Variants in SLC35F1 observed in about 807,000 individuals in gnomAD.
SLC35F1 encodes solute carrier family 35 member F1.
In SLC35F1, 14 loss-of-function variants were observed where a neutral mutation model predicts 48.7. The observed-to-expected ratio is 0.29, with a 90% CI of 0.19 to 0.45. The LOEUF (loss-of-function observed/expected upper bound fraction) is 0.45, where lower values mean the gene tolerates loss of function less well. SLC35F1 is among the 20% of genes least tolerant of loss of function. The pLI, the probability that SLC35F1 is intolerant of heterozygous loss-of-function variation, is 1.00. For missense variants in SLC35F1, 404 were observed against 500.0 expected, an observed-to-expected ratio of 0.81 and a Z score of 1.83; for synonymous variants, 190 against 202.2, an observed-to-expected ratio of 0.94 and a Z score of 0.51.
At chr6:118,310,389 GTTT>G (rs1218476627) in intron 7 of SLC35F1, among the ~76,000 whole-genome samples, 1 of 152,082 alleles carries the variant, frequency 6.6e-6, no homozygotes, top group Admixed American at 6.6e-5. Context: ...TGGTTGATTG[GTTT>G]TTTAAATGAA....
intron 1 of SLC35F1, among the ~76,000 whole-genome samples, chr6:117,942,202 C>T (rs1167536720): frequency 1.3e-5 from 2 of 152,096 alleles, no homozygotes; most frequent in South Asian, 2.1e-4. Context: ...GGCTTGAATT[C>T]GAGTCTCACT....
chr6:118,083,207 T>G (rs947981184), intron 1 of SLC35F1, among the ~76,000 whole-genome samples: 4 of 152,190 alleles, frequency 2.6e-5, no homozygotes, highest in African/African-American at 9.6e-5. Flanking sequence ...GGGAAGGATA[T>G]GTGACTGAAA....
chr6:118,285,167 C>T lies in SLC35F1; in HGVS notation c.848-17C>T, dbSNP rs753455067. On this transcript the variant is annotated splice_polypyrimidine_tract_variant and intron_variant, in intron 6 of 7. Coordinates refer to ENST00000360388, the MANE Select transcript of SLC35F1 (RefSeq NM_001029858.4). ...GGAGGAGGCCCTGACGCTGCCTTCT[C>T]TTTACTCTTCCCCCAGGACTGCTCT... 6.2e-7 allele frequency: 1 copy of T among 1,611,390 alleles called. No homozygotes were observed. The highest frequency in any genetic ancestry group is 8.5e-7 in the Non-Finnish European group (1 of 1,177,934).
intron 1 of SLC35F1, among the ~76,000 whole-genome samples, chr6:118,059,221 A>G (rs1279228987): frequency 6.6e-6 from 1 of 152,180 alleles, no homozygotes; most frequent in East Asian, 1.9e-4. Flanking sequence ...TATTCAGTAC[A>G]CTGAGTTCAT....
intron 1 of SLC35F1, among the ~76,000 whole-genome samples, chr6:118,073,903 T>C (rs1772779738): frequency 6.6e-6 from 1 of 152,206 alleles, no homozygotes; most frequent in South Asian, 2.1e-4. Context: ...GCAAAAATAA[T>C]TTATCGTATC....
intron 1 of SLC35F1, among the ~76,000 whole-genome samples, chr6:117,971,296 G>A (rs561488531): frequency 1.3e-5 from 2 of 152,346 alleles, no homozygotes; most frequent in South Asian, 4.1e-4. Flanking sequence ...GATGCAAGAG[G>A]TGGGTTCCCA....
chr6:118,124,362 T>C (rs1773594192), intron 1 of SLC35F1, among the ~76,000 whole-genome samples: 1 of 152,186 alleles, frequency 6.6e-6, no homozygotes, highest in Admixed American at 6.6e-5. Flanking sequence ...TCTGATTGAC[T>C]TGGTTTAAAA....
At chr6:117,967,304 T>G (rs1776583316) in intron 1 of SLC35F1, among the ~76,000 whole-genome samples, 1 of 152,116 alleles carries the variant, frequency 6.6e-6, no homozygotes, top group East Asian at 1.9e-4. Flanking sequence ...AAATACATTT[T>G]GAAACCATAG....
rs115336929 is a variant in SLC35F1 at position 118,089,995 on chromosome 6, T to C, written c.174-64450T>C. On this transcript the variant is annotated intron_variant, in intron 1 of 7. Coordinates refer to ENST00000360388, the MANE Select transcript of SLC35F1 (RefSeq NM_001029858.4). ...AAACAGATTGATCAGTTGGAATGCC[T>C]TAAAATCTGTCTAGATTCTGCATGC... 4.0e-3 allele frequency among the ~76,000 whole-genome samples: 613 copies of C among 152,350 alleles called. 3 individuals are homozygous for C. Among genetic ancestry groups the C allele is most frequent in the African/African-American group, 0.014 (594 of 41,592 alleles).
intron 1 of SLC35F1, among the ~76,000 whole-genome samples, chr6:117,946,340 A>G (rs1037061995): frequency 6.6e-6 from 1 of 152,246 alleles, no homozygotes; most frequent in Non-Finnish European, 1.5e-5. Context: ...CCAATCAAAT[A>G]TAATTCTCAC....
At chr6:118,091,750 T>C (rs1269214341) in intron 1 of SLC35F1, among the ~76,000 whole-genome samples, 1 of 152,200 alleles carries the variant, frequency 6.6e-6, no homozygotes, top group Non-Finnish European at 1.5e-5. Context: ...GATAAGAAGA[T>C]GTGGGAAAGT....
chr6:118,137,614 C>G (rs1375296980), intron 1 of SLC35F1, among the ~76,000 whole-genome samples: 1 of 152,178 alleles, frequency 6.6e-6, no homozygotes, highest in Non-Finnish European at 1.5e-5. Flanking sequence ...ATTTCCCAAA[C>G]CTGCACTGTC....
intron 1 of SLC35F1, among the ~76,000 whole-genome samples, chr6:118,078,038 A>G (rs1430028685): frequency 6.6e-6 from 1 of 152,208 alleles, no homozygotes; most frequent in Non-Finnish European, 1.5e-5. Context: ...GATGTCCTGC[A>G]AAGACTAAAG....
At chr6:117,989,820 A>G (rs1776893716) in intron 1 of SLC35F1, among the ~76,000 whole-genome samples, 1 of 152,220 alleles carries the variant, frequency 6.6e-6, no homozygotes, top group Non-Finnish European at 1.5e-5. Context: ...AGAAAAGGGA[A>G]AAAAACAAAG....
intron 2 of SLC35F1, among the ~76,000 whole-genome samples, chr6:118,176,586 A>G (rs1027129949): frequency 2.0e-5 from 3 of 152,124 alleles, no homozygotes; most frequent in Non-Finnish European, 2.9e-5. Flanking sequence ...TACAATGAAA[A>G]AAATCATCTG....
chr6:118,270,742 A>T (rs1303944336), intron 4 of SLC35F1, among the ~76,000 whole-genome samples: 1 of 152,222 alleles, frequency 6.6e-6, no homozygotes, highest in Non-Finnish European at 1.5e-5. Context: ...AATAGGCAAT[A>T]GAAGTGGCTT....
intron 1 of SLC35F1, among the ~76,000 whole-genome samples, chr6:118,021,807 G>C (rs887987033): frequency 1.3e-5 from 2 of 152,138 alleles, no homozygotes; most frequent in African/African-American, 4.8e-5. Context: ...GGGGCCACTC[G>C]TCTGGCTGCA....
intron 1 of SLC35F1, among the ~76,000 whole-genome samples, chr6:117,970,143 C>G (rs186102051): frequency 6.6e-6 from 1 of 152,264 alleles, no homozygotes; most frequent in Admixed American, 6.5e-5. Context: ...GAATGGGGTA[C>G]TATAACTGGA....
At chr6:118,267,269 A>G (rs1235079530) in intron 4 of SLC35F1, 115 bp downstream of exon 4, 5 of 1,213,242 alleles carry the variant, frequency 4.1e-6, no homozygotes, top group Non-Finnish European at 5.9e-6. Flanking sequence ...ATTTCCCACT[A>G]TCTGTGTCCT....
Sources: gnomAD v4.1 joint callset for allele counts (sites outside exome capture counted in the v4.1 genomes callset) on GRCh38, gnomAD v4.1.1 for gene constraint, MANE v1.5 for transcripts, NCBI Gene and HGNC (gene_info 2026-07-23, HGNC 2026-07-21) for gene names.